NAE1: variants seen among roughly 807,000 people sequenced by gnomAD.
The protein encoded by NAE1 is NEDD8 activating enzyme E1 subunit 1, also known as NEDD8-activating enzyme E1 regulatory subunit.
A neutral mutation model predicts 88.0 loss-of-function variants in NAE1; 59 were observed. The observed-to-expected ratio is 0.67, with a 90% CI of 0.54 to 0.83. The LOEUF is 0.83. NAE1 is among the 40% of genes least tolerant of loss of function. The pLI, the probability that NAE1 is intolerant of heterozygous loss-of-function variation, is 0.00. For synonymous variants in NAE1, 186 were observed against 208.9 expected, an observed-to-expected ratio of 0.89 and a Z score of 0.95; for missense variants, 554 against 632.8, an observed-to-expected ratio of 0.88 and a Z score of 1.34.
intron 19 of NAE1, among the ~76,000 whole-genome samples, chr16:66,804,116 T>C (rs1959466535): frequency 6.6e-6 from 1 of 152,064 alleles, no homozygotes; most frequent in South Asian, 2.1e-4. Flanking sequence ...AGAAGGGGTT[T>C]GTATTTTAAA....
chr16:66,827,191 T>C (rs936923435), intron 1 of NAE1, among the ~76,000 whole-genome samples: 1 of 151,914 alleles, frequency 6.6e-6, no homozygotes, highest in African/African-American at 2.4e-5. Flanking sequence ...TGTAGTGGCA[T>C]GATCTCAGCT....
At chr16:66,824,645 C>A in intron 4 of NAE1, 1 of 406,558 alleles carries the variant, frequency 2.5e-6, no homozygotes, top group Non-Finnish European at 4.4e-6. Context: ...CAAGATTTAG[C>A]TTTAATACAG....
rs767428026 is a variant in NAE1 at position 66,806,046 on chromosome 16, T to C, written c.1331-20A>G. 8.2e-6 allele frequency: 13 copies of C among 1,589,122 alleles called. No homozygotes were observed. Among genetic ancestry groups the C allele is most frequent in the Admixed American group, 1.8e-5 (1 of 54,708 alleles). ...ATACTCCTAAAAATAAAAGTTAGTT[T>C]TCATTAAAATAAATGTGATTCAAAA... On this transcript the variant is annotated intron_variant, in intron 17 of 19. Coordinates refer to ENST00000290810, the MANE Select transcript of NAE1 (RefSeq NM_003905.4).
At chr16:66,812,380 C>A (rs1959837425) in intron 13 of NAE1, among the ~76,000 whole-genome samples, 1 of 151,966 alleles carries the variant, frequency 6.6e-6, no homozygotes, top group Non-Finnish European at 1.5e-5. Flanking sequence ...TAGTTCATAG[C>A]ACAGAGTTAA....
chr16:66,821,318 C>A, intron 7 of NAE1, 132 bp downstream of exon 7: 1 of 1,192,388 alleles, frequency 8.4e-7, no homozygotes, highest in African/African-American at 1.6e-5. Context: ...CTGATTGCCA[C>A]TTTGAATCTG....
chr16:66,806,741 A>G (rs1255219465), intron 17 of NAE1, among the ~76,000 whole-genome samples: 2 of 152,206 alleles, frequency 1.3e-5, no homozygotes, highest in Non-Finnish European at 2.9e-5. Context: ...TTGAGCATTA[A>G]TAGATGCTGG....
At chr16:66,826,317 A>G in intron 3 of NAE1, 2 of 576,118 alleles carry the variant, frequency 3.5e-6, no homozygotes, top group South Asian at 4.2e-5. Context: ...AACAATAAAG[A>G]CAGTAATGAT....
At chr16:66,809,183 G>A (rs1011055833) in intron 15 of NAE1, 108 bp from the exon 16 acceptor site, 72 of 691,234 alleles carry the variant, frequency 1.0e-4, no homozygotes, top group Non-Finnish European at 1.6e-4. Context: ...TCTCAGACAT[G>A]AGAATGTGAA....
chr16:66,823,493 TTCAGCACA>T, intron 5 of NAE1, 28 bp downstream of exon 5: 1 of 1,545,374 alleles, frequency 6.5e-7, no homozygotes, highest in Non-Finnish European at 8.8e-7. Flanking sequence ...AAAATTGTAT[TTCAGCACA>T]GACATAATAA....
At chr16:66,808,418 G>T in intron 17 of NAE1, 103 bp downstream of exon 17, 1 of 825,758 alleles carries the variant, frequency 1.2e-6, no homozygotes, top group Non-Finnish European at 1.9e-6. Context: ...TGTTTACAAT[G>T]TGAAATTCAA....
chr16:66,819,007 T>C (rs925392335), intron 7 of NAE1, among the ~76,000 whole-genome samples: 6 of 152,188 alleles, frequency 3.9e-5, no homozygotes, highest in African/African-American at 9.7e-5. Context: ...TGACAATACA[T>C]TGAATTATAG....
chr16:66,824,872 T>C lies in NAE1; in HGVS notation c.232A>G (p.Arg78Gly). The C allele has an allele frequency of 6.2e-7, 1 of 1,610,412 alleles. No individual in the cohort carries two copies. The highest frequency in any genetic ancestry group is 8.5e-7 in the Non-Finnish European group (1 of 1,178,016). The change falls in exon 4 of 20, where the codon AGA becomes GGA. Residue 78 changes from arginine (R) to glycine (G), a missense_variant. Physicochemically the swap from Arg to Gly is moderately radical, Grantham distance 125. Coordinates refer to ENST00000290810, the MANE Select transcript of NAE1 (RefSeq NM_003905.4). Reference protein sequence around the residue: ...EDAGNNFFLQRSSIGKNRAEA... With the variant: ...EDAGNNFFLQGSSIGKNRAEA... ...TTGTTTACCTTGCCGATACTGCTTC[T>C]TTGAAGGAAGAAACTAAAGTGAACA...
At chr16:66,807,668 CTG>C (rs1959624464) in intron 17 of NAE1, among the ~76,000 whole-genome samples, 1 of 151,852 alleles carries the variant, frequency 6.6e-6, no homozygotes, top group Admixed American at 6.6e-5. Flanking sequence ...ACTATAAACT[CTG>C]GAGACACACT....
chr16:66,816,434 G>A, intron 11 of NAE1, 147 bp downstream of exon 11: 2 of 632,150 alleles, frequency 3.2e-6, no homozygotes, highest in Non-Finnish European at 5.3e-6. Flanking sequence ...CAAAGTGCTG[G>A]GATGAGCCAG....
At chr16:66,806,412 T>C (rs1281879842) in intron 17 of NAE1, among the ~76,000 whole-genome samples, 1 of 152,160 alleles carries the variant, frequency 6.6e-6, no homozygotes, top group Non-Finnish European at 1.5e-5. Context: ...GACATAAAGC[T>C]ATTAATAATA....
intron 19 of NAE1, 73 bp downstream of exon 19, chr16:66,805,704 C>T (rs147546559): frequency 4.6e-5 from 56 of 1,229,590 alleles, no homozygotes; most frequent in Non-Finnish European, 5.3e-5. Context: ...AATAGCTAGA[C>T]GACAAAACTT....
At chr16:66,828,199 G>C (rs991439857) in intron 1 of NAE1, 2 of 745,856 alleles carry the variant, frequency 2.7e-6, no homozygotes, top group Non-Finnish European at 4.3e-6. Flanking sequence ...TAAGAATACT[G>C]GTGCATCTTG....
Position 66,826,598 on chromosome 16 carries a change from A to G in NAE1, c.158-15T>C, listed in dbSNP as rs1960473205. ...CGAACCAATACCTGAGAGCCAAAAC[A>G]GAGTCAGTCAGGAATACATAGTTCT... On this transcript the variant is annotated splice_polypyrimidine_tract_variant and intron_variant, in intron 2 of 19. Transcript: ENST00000290810. 1 of 1,614,044 alleles carries G rather than the reference A, an allele frequency of 6.2e-7. No homozygotes were observed. The highest frequency in any genetic ancestry group is 1.7e-5 in the Admixed American group (1 of 60,006).
At chr16:66,822,670 A>ATT (rs1254929271) in intron 6 of NAE1, among the ~76,000 whole-genome samples, 28 of 142,596 alleles carry the variant, frequency 2.0e-4, no homozygotes, top group African/African-American at 6.9e-4. Context: ...TTATTTATTT[A>ATT]TTTATTTTTT....
Sources: allele counts gnomAD v4.1 joint callset (sites outside exome capture counted in the v4.1 genomes callset), GRCh38; gene constraint gnomAD v4.1.1; transcripts MANE v1.5; gene names NCBI Gene and HGNC (gene_info 2026-07-23, HGNC 2026-07-21).